The following DLGAP2 variants were observed in gnomAD, a reference collection of about 807,000 sequenced individuals.
The protein encoded by DLGAP2 is DLG associated protein 2.
Under a neutral mutation model 100.3 loss-of-function variants are expected in DLGAP2, and 26 were observed. That is an observed-to-expected ratio of 0.26 (90% CI 0.19 to 0.36). The LOEUF is 0.36. DLGAP2 is among the 10% of genes least tolerant of loss of function. The pLI is 1.00. For missense variants in DLGAP2, 1,858 were observed against 1,453.2 expected (o/e 1.28, Z -4.53); for synonymous variants, 886 against 630.1 (o/e 1.41, Z -6.08).
intron 6 of DLGAP2, among the ~76,000 whole-genome samples, chr8:1,602,852 A>G (rs111316453): frequency 0.013 from 1,915 of 152,398 alleles, 19 homozygotes; most frequent in Non-Finnish European, 0.02. Context: ...AATAAGCAGT[A>G]AACATGACAG....
chr8:1,657,262 G>T (rs1375821558), intron 8 of DLGAP2, among the ~76,000 whole-genome samples: 1 of 152,170 alleles, frequency 6.6e-6, no homozygotes, highest in Non-Finnish European at 1.5e-5. Flanking sequence ...TAAGGACGTA[G>T]ACTAGAATTA....
rs1170252564 is a variant in DLGAP2, at chr8:1,288,406, TAGG to T, written c.106+29527_106+29529del. On this transcript the variant is annotated intron_variant, in intron 3 of 14. Coordinates refer to ENST00000637795, the MANE Select transcript of DLGAP2 (RefSeq NM_001346810.2). Reference sequence around the variant, plus strand: ...AGTGCGTGTGTGTGTGTGTGGTTGTTAGGAGGGGAACTTGTTTTGGTTCAGTGT... The same window carrying T: ...AGTGCGTGTGTGTGTGTGTGGTTGTTAGGGGAACTTGTTTTGGTTCAGTGT... Among the ~76,000 whole-genome samples, 25 of 137,526 alleles carry T rather than the reference TAGG, an allele frequency of 1.8e-4. 1 individual carries two copies. The highest frequency in any genetic ancestry group is 6.4e-4 in the African/African-American group (23 of 35,968). The allele number at this position is 137,526 out of a possible 152,430, so 90.2% of individuals were successfully genotyped here.
intron 2 of DLGAP2, chr8:1,246,661 G>A (rs1585187131): frequency 6.6e-6 from 1 of 152,274 alleles, no homozygotes; most frequent in Admixed American, 6.5e-5. Context: ...GATGAAGATG[G>A]AATTAGAAGG....
At chr8:1,233,097 G>A (rs1585174132) in intron 2 of DLGAP2, among the ~76,000 whole-genome samples, 1 of 152,318 alleles carries the variant, frequency 6.6e-6, no homozygotes, top group East Asian at 1.9e-4. Flanking sequence ...CCATGTGGTA[G>A]CAGTGCCAGC....
At position 1,703,137 on chromosome 8, in the gene DLGAP2, T is replaced by C. The variant is rs1032576779; in HGVS notation, c.*1731T>C. 6.6e-6 allele frequency: 1 copy of C among 152,654 alleles called. No homozygotes were observed. The allele number at this position is 152,654 out of a possible 1,614,324, so 9.5% of individuals were successfully genotyped here. ...GGAGCAGAGCTGATATTAAAGCATG[T>C]TTAGCTTCGAAGTTTTACTTTTTTA... On this transcript the variant is annotated 3_prime_UTR_variant, in exon 15 of 15. Transcript: ENST00000637795.
chr8:1,668,754 A>C, intron 9 of DLGAP2, 76 bp downstream of exon 9: 20 of 1,295,614 alleles, frequency 1.5e-5, no homozygotes, highest in Non-Finnish European at 2.1e-5. Flanking sequence ...CCAAAACCCA[A>C]CCAGCGGCCC....
intron 6 of DLGAP2, among the ~76,000 whole-genome samples, chr8:1,616,006 T>C (rs2130743787): frequency 6.6e-6 from 1 of 152,040 alleles, no homozygotes; most frequent in South Asian, 2.1e-4. Flanking sequence ...AGGTTAAAGA[T>C]GTTAAAGGAG....
At chr8:1,534,689 C>T (rs1459063755) in intron 4 of DLGAP2, among the ~76,000 whole-genome samples, 3 of 152,110 alleles carry the variant, frequency 2.0e-5, no homozygotes, top group African/African-American at 7.2e-5. Context: ...TTGTCCATCT[C>T]GCTATTGAAC....
At chr8:1,281,200 C>G (rs1799806693) in intron 3 of DLGAP2, among the ~76,000 whole-genome samples, 2 of 152,304 alleles carry the variant, frequency 1.3e-5, no homozygotes, top group Non-Finnish European at 1.5e-5. Context: ...CTATAGATGT[C>G]TCAGCAGTGC....
At position 1,174,841 on chromosome 8, in the gene DLGAP2, TG is replaced by T. The variant is rs1797219969; in HGVS notation, c.74-84009del. 2.0e-5 allele frequency among the ~76,000 whole-genome samples: 3 copies of T among 152,200 alleles called. No individual in the cohort carries two copies. In the East Asian group the frequency reaches 5.8e-4, roughly 29 times the overall value. ...CATCTAGACTATAGCAGCTGAGTTC[TG>T]TTTATCTATGTTTACAAAATCCTAA... On this transcript the variant is annotated intron_variant, in intron 2 of 14. Coordinates refer to ENST00000637795, the MANE Select transcript of DLGAP2 (RefSeq NM_001346810.2).
intron 6 of DLGAP2, among the ~76,000 whole-genome samples, chr8:1,596,264 G>C (rs982694990): frequency 6.6e-6 from 1 of 152,118 alleles, no homozygotes; most frequent in Non-Finnish European, 1.5e-5. Context: ...TCTTTATGCA[G>C]TTTATCATTG....
intron 1 of DLGAP2, among the ~76,000 whole-genome samples, chr8:905,477 G>T (rs1352597664): frequency 6.6e-6 from 1 of 152,004 alleles, no homozygotes; most frequent in Non-Finnish European, 1.5e-5. Context: ...TTTTCAAATC[G>T]AACAGAGACG....
chr8:1,309,021 A>G (rs1800554305), intron 3 of DLGAP2, among the ~76,000 whole-genome samples: 1 of 152,196 alleles, frequency 6.6e-6, no homozygotes, highest in Admixed American at 6.5e-5. Flanking sequence ...AAGTGTCTAC[A>G]GTTAAATATG....
intron 3 of DLGAP2, among the ~76,000 whole-genome samples, chr8:1,435,604 T>A (rs1226106534): frequency 6.6e-6 from 1 of 152,026 alleles, no homozygotes; most frequent in Non-Finnish European, 1.5e-5. Context: ...TCTGGGATAC[T>A]GTACGTTTCA....
At chr8:931,083 T>C (rs1474641477) in intron 2 of DLGAP2, among the ~76,000 whole-genome samples, 2 of 152,140 alleles carry the variant, frequency 1.3e-5, no homozygotes, top group Non-Finnish European at 2.9e-5. Context: ...GGATTTTTTT[T>C]TTTGCAGCTG....
chr8:1,382,461 C>T (rs574534963), intron 3 of DLGAP2, among the ~76,000 whole-genome samples: 24 of 152,302 alleles, frequency 1.6e-4, no homozygotes, highest in Admixed American at 6.5e-4. Flanking sequence ...ATCGGTCAGG[C>T]GCAGTGGCTC....
At chr8:868,431 A>G (rs890940621) in intron 1 of DLGAP2, among the ~76,000 whole-genome samples, 2 of 152,162 alleles carry the variant, frequency 1.3e-5, no homozygotes, top group African/African-American at 4.8e-5. Flanking sequence ...CTTACACGAC[A>G]CTCACAGAAA....
chr8:820,374 C>G (rs1796561545), intron 1 of DLGAP2, among the ~76,000 whole-genome samples: 1 of 152,118 alleles, frequency 6.6e-6, no homozygotes, highest in Non-Finnish European at 1.5e-5. Flanking sequence ...CCCTTCTAAA[C>G]TGTTGAAAGA....
intron 2 of DLGAP2, among the ~76,000 whole-genome samples, chr8:966,517 A>T (rs1198641770): frequency 6.6e-6 from 1 of 152,238 alleles, no homozygotes; most frequent in African/African-American, 2.4e-5. Flanking sequence ...GAATGCTTTC[A>T]TATCTTTTTT....
Sources: allele counts gnomAD v4.1 joint callset (sites outside exome capture counted in the v4.1 genomes callset), GRCh38; gene constraint gnomAD v4.1.1; transcripts MANE v1.5; gene names NCBI Gene and HGNC (gene_info 2026-07-23, HGNC 2026-07-21).